Variants in SMC1B observed in about 807,000 individuals in gnomAD.
SMC1B encodes structural maintenance of chromosomes 1B.
Under a neutral mutation model 157.9 loss-of-function variants are expected in SMC1B, and 60 were observed. The ratio of observed to expected loss-of-function variants is 0.38; its 90% CI spans 0.31 to 0.47. SMC1B has a LOEUF of 0.47. SMC1B is among the 20% of genes least tolerant of loss of function. The probability of loss-of-function intolerance (pLI) is 0.99; values close to 1 mark genes in which losing one functional copy is unlikely to be tolerated. For missense variants in SMC1B, 1,165 were observed against 1,426.2 expected (o/e 0.82, Z 2.95); for synonymous variants, 445 against 483.0 (o/e 0.92, Z 1.03).
chr22:45,409,029 A>C, intron 1 of SMC1B, 131 bp from the exon 2 acceptor site: 3 of 557,340 alleles, frequency 5.4e-6, no homozygotes, highest in Non-Finnish European at 9.5e-6. Context: ...CAATGTTCAA[A>C]ATGCATGACT....
intron 15 of SMC1B, among the ~76,000 whole-genome samples, chr22:45,367,390 A>G (rs181840581): frequency 1.8e-4 from 27 of 152,204 alleles, no homozygotes; most frequent in Non-Finnish European, 2.5e-4. Context: ...AGCGTTGCCT[A>G]TCTTGCATGG....
rs372100397 is a variant in SMC1B, at chr22:45,351,599, C to T, written c.3425+852G>A. On this transcript the variant is annotated intron_variant, in intron 22 of 24. Transcript: ENST00000357450. Reference sequence around the variant, plus strand: ...AGTTTTGTTCTTTCACCTAGGCTAGCGTGCAGTGGTGTCATCACGGTTTAT... The same window carrying T: ...AGTTTTGTTCTTTCACCTAGGCTAGTGTGCAGTGGTGTCATCACGGTTTAT... Among the ~76,000 whole-genome samples, 6 of 152,286 alleles carry T rather than the reference C, an allele frequency of 3.9e-5. No homozygotes were observed. In the East Asian group the frequency reaches 7.7e-4, roughly 20 times the overall value.
intron 12 of SMC1B, among the ~76,000 whole-genome samples, chr22:45,374,090 G>GTTTTT (rs35971057): frequency 2.3e-5 from 2 of 85,510 alleles, no homozygotes; most frequent in Non-Finnish European, 4.1e-5. Flanking sequence ...AACAAAGACG[G>GTTTTT]TTTTTTTTTT....
intron 16 of SMC1B, 53 bp downstream of exon 16, chr22:45,362,832 A>G (rs1490769069): frequency 1.4e-6 from 2 of 1,478,490 alleles, no homozygotes; most frequent in African/African-American, 2.8e-5. Context: ...TTACCACATG[A>G]AGGAAGTCAT....
intron 16 of SMC1B, 96 bp from the exon 17 acceptor site, chr22:45,362,080 G>A: frequency 7.9e-7 from 1 of 1,268,794 alleles, no homozygotes; most frequent in East Asian, 2.4e-5. Flanking sequence ...GTTATCCCGA[G>A]ATGAACCTTC....
At chr22:45,368,766 C>T (rs1272813881) in intron 15 of SMC1B, among the ~76,000 whole-genome samples, 3 of 152,038 alleles carry the variant, frequency 2.0e-5, no homozygotes, top group Non-Finnish European at 2.9e-5. Flanking sequence ...CCACCTGCCT[C>T]GGTCGGCCTC....
intron 12 of SMC1B, among the ~76,000 whole-genome samples, chr22:45,377,196 T>C (rs2086891168): frequency 6.6e-6 from 1 of 152,232 alleles, no homozygotes; most frequent in Non-Finnish European, 1.5e-5. Flanking sequence ...TATTTTAATG[T>C]TTTCATTCCT....
chr22:45,387,108 A>G (rs1001091078), intron 10 of SMC1B, 62 bp from the exon 11 acceptor site: 5 of 1,366,270 alleles, frequency 3.7e-6, no homozygotes, highest in Middle Eastern at 2.0e-4. Context: ...AATGTTCATT[A>G]TATTCTTTCT....
chr22:45,363,646 A>G (rs1385085486), intron 15 of SMC1B, among the ~76,000 whole-genome samples: 1 of 152,120 alleles, frequency 6.6e-6, no homozygotes, highest in Non-Finnish European at 1.5e-5. Flanking sequence ...ACTGCACTCC[A>G]GCCTGGGTGA....
At chr22:45,397,232 T>C (rs1415071523) in intron 6 of SMC1B, among the ~76,000 whole-genome samples, 1 of 152,138 alleles carries the variant, frequency 6.6e-6, no homozygotes, top group Non-Finnish European at 1.5e-5. Context: ...AAACAGTCTT[T>C]TAGGCCAGGC....
chr22:45,410,056 G>T (rs923898424), intron 1 of SMC1B, among the ~76,000 whole-genome samples: 2 of 152,224 alleles, frequency 1.3e-5, no homozygotes, highest in Non-Finnish European at 2.9e-5. Context: ...ACTAGCTGCT[G>T]GAGGAATGAA....
At chr22:45,398,942 T>G (rs1398904716) in intron 6 of SMC1B, among the ~76,000 whole-genome samples, 153 bp downstream of exon 6, 1 of 152,176 alleles carries the variant, frequency 6.6e-6, no homozygotes, top group East Asian at 1.9e-4. Context: ...ATAAATCTAG[T>G]TCTGTATACA....
chr22:45,375,822 TTC>T (rs2086878726), intron 12 of SMC1B, among the ~76,000 whole-genome samples: 1 of 152,192 alleles, frequency 6.6e-6, no homozygotes, highest in South Asian at 2.1e-4. Context: ...CAGTGTTCAA[TTC>T]TCTAATACTG....
intron 22 of SMC1B, 54 bp from the exon 23 acceptor site, chr22:45,349,851 G>C: frequency 1.5e-6 from 2 of 1,362,936 alleles, no homozygotes; most frequent in Admixed American, 4.0e-5. Context: ...TTTTACAAAA[G>C]ACTTGGAGGA....
chr22:45,376,468 C>T (rs2086884700), intron 12 of SMC1B, among the ~76,000 whole-genome samples: 1 of 152,166 alleles, frequency 6.6e-6, no homozygotes, highest in South Asian at 2.1e-4. Flanking sequence ...TACCTTTTGG[C>T]TATTGTGAAT....
chr22:45,396,661 C>T (rs1039485155), intron 6 of SMC1B, among the ~76,000 whole-genome samples, 175 bp from the exon 7 acceptor site: 10 of 151,882 alleles, frequency 6.6e-5, no homozygotes, highest in African/African-American at 2.2e-4. Context: ...TGAAAGCTTC[C>T]TTTAAAAAAA....
chr22:45,378,176 T>A (rs1021425085), intron 12 of SMC1B, among the ~76,000 whole-genome samples: 1 of 152,154 alleles, frequency 6.6e-6, no homozygotes, highest in Admixed American at 6.5e-5. Context: ...AAGATAATGG[T>A]AGGAAGTATA....
At chr22:45,360,054 ATTAT>A (rs2086706635) in intron 17 of SMC1B, 96 bp from the exon 18 acceptor site, 1 of 918,728 alleles carries the variant, frequency 1.1e-6, no homozygotes, top group Non-Finnish European at 1.6e-6. Flanking sequence ...TGAAAAAAGA[ATTAT>A]TTATTCCTGT....
intron 4 of SMC1B, among the ~76,000 whole-genome samples, chr22:45,403,450 C>CTGTTTGTT (rs34642361): frequency 0.011 from 1,679 of 151,184 alleles, 19 homozygotes; most frequent in Non-Finnish European, 0.016. Context: ...ATCCCTGATC[C>CTGTTTGTT]TGTTTGTTTG....
Sources: allele counts gnomAD v4.1 joint callset (sites outside exome capture counted in the v4.1 genomes callset), GRCh38; gene constraint gnomAD v4.1.1; transcripts MANE v1.5; gene names NCBI Gene and HGNC (gene_info 2026-07-23, HGNC 2026-07-21).